DPP10: variants seen among roughly 807,000 people sequenced by gnomAD.
DPP10 encodes the protein inactive dipeptidyl peptidase 10.
Under a neutral mutation model 120.9 loss-of-function variants are expected in DPP10, and 33 were observed. The ratio of observed to expected loss-of-function variants is 0.27; its 90% CI spans 0.21 to 0.37. DPP10 has a LOEUF of 0.37. Ranked by LOEUF, DPP10 falls within the 10% of genes least tolerant of loss-of-function variation. The pLI, the probability that DPP10 is intolerant of heterozygous loss-of-function variation, is 1.00. For missense variants in DPP10, 816 were observed against 942.8 expected, an observed-to-expected ratio of 0.87 and a Z score of 1.76; for synonymous variants, 337 against 326.1, an observed-to-expected ratio of 1.03 and a Z score of -0.36.
At chr2:115,491,292 G>A (rs2076105869) in intron 3 of DPP10, among the ~76,000 whole-genome samples, 1 of 152,158 alleles carries the variant, frequency 6.6e-6, no homozygotes, top group Admixed American at 6.6e-5. Context: ...ACTACTAACA[G>A]GAGGTATCCA....
intron 3 of DPP10, among the ~76,000 whole-genome samples, chr2:115,396,006 C>T (rs1198470296): frequency 5.3e-5 from 8 of 152,072 alleles, no homozygotes; most frequent in Non-Finnish European, 8.8e-5. Flanking sequence ...CTTTAATTGG[C>T]GTGAATTTCC....
Position 115,815,704 on chromosome 2 carries a change from C to T in DPP10, c.1925C>T (p.Ser642Phe), listed in dbSNP as rs148256771. 32 of 1,599,508 alleles carry T rather than the reference C, an allele frequency of 2.0e-5. 1 individual carries two copies. The African/African-American group carries it at 3.3e-4, about 17-fold the overall frequency. ...KFLLKLPYID[S>F]KRLSIFGKGY... Reference sequence around the variant, plus strand: ...TTGCTGAAACTGCCTTACATTGACTCCAAAAGATTAAGCATTTTTGGAAAG... The same window carrying T: ...TTGCTGAAACTGCCTTACATTGACTTCAAAAGATTAAGCATTTTTGGAAAG... Residue 642 changes from serine to phenylalanine, a missense_variant, in exon 21 of 26, where the codon TCC becomes TTC. This residue lies in a region of DPP10 where 592 missense variants were observed against 649.0 expected (regional missense o/e 0.91). Transcript: ENST00000410059.
At chr2:115,422,459 T>C (rs1292255952) in intron 3 of DPP10, among the ~76,000 whole-genome samples, 1 of 152,134 alleles carries the variant, frequency 6.6e-6, no homozygotes, top group Non-Finnish European at 1.5e-5. Context: ...GCATCATTCT[T>C]TGGCTGAGCA....
intron 3 of DPP10, among the ~76,000 whole-genome samples, chr2:115,352,897 A>T (rs567796136): frequency 6.6e-6 from 1 of 152,090 alleles, no homozygotes; most frequent in African/African-American, 2.4e-5. Context: ...CACATGGCAC[A>T]TTTTATTTTT....
chr2:114,925,778 C>G (rs924139412), intron 1 of DPP10, among the ~76,000 whole-genome samples: 1 of 152,086 alleles, frequency 6.6e-6, no homozygotes, highest in Non-Finnish European at 1.5e-5. Flanking sequence ...GACCCTGTTA[C>G]AAATACTAAA....
chr2:114,984,973 A>C (rs577033219), intron 1 of DPP10, among the ~76,000 whole-genome samples: 5 of 152,260 alleles, frequency 3.3e-5, no homozygotes, highest in Non-Finnish European at 7.4e-5. Flanking sequence ...TTAAATTAGA[A>C]ATGAGATCAT....
chr2:114,833,873 C>T (rs556866591), intron 1 of DPP10: 5 of 151,780 alleles, frequency 3.3e-5, no homozygotes, highest in Non-Finnish European at 7.4e-5. Flanking sequence ...TTTTGTCCTA[C>T]GGAAGGCACA....
intron 1 of DPP10, among the ~76,000 whole-genome samples, chr2:114,553,691 T>G (rs1354390395): frequency 6.6e-6 from 1 of 152,152 alleles, no homozygotes; most frequent in African/African-American, 2.4e-5. Context: ...TTTCTTTATT[T>G]TTTTTTCCAC....
In DPP10 at chr2:115,346,100, G is replaced by A. The variant is rs376916318; in HGVS notation, c.271+2188G>A. Among the ~76,000 whole-genome samples the A allele has an allele frequency of 6.0e-4, 91 of 152,286 alleles. 1 individual carries two copies. In the Middle Eastern group the frequency reaches 0.034, roughly 57 times the overall value. On this transcript the variant is annotated intron_variant, in intron 3 of 25. Transcript: ENST00000410059. ...TTGTGTGCACTGAGTTACTTTTTAAGTATAGAAATGGATTTGTGCTTTTAT... is the reference window on the plus strand; with the variant it reads ...TTGTGTGCACTGAGTTACTTTTTAAATATAGAAATGGATTTGTGCTTTTAT...
intron 1 of DPP10, among the ~76,000 whole-genome samples, chr2:114,555,492 T>C (rs1688215112): frequency 6.6e-6 from 1 of 152,152 alleles, no homozygotes; most frequent in Admixed American, 6.5e-5. Flanking sequence ...TGTATGGGTA[T>C]TTGTGTTGCT....
At chr2:115,731,084 G>A (rs2092896371) in intron 8 of DPP10, among the ~76,000 whole-genome samples, 1 of 152,126 alleles carries the variant, frequency 6.6e-6, no homozygotes, top group Non-Finnish European at 1.5e-5. Context: ...AAAAGGCTGG[G>A]TGTGGTGGCT....
intron 2 of DPP10, among the ~76,000 whole-genome samples, chr2:115,326,189 T>G (rs1454630346): frequency 6.6e-6 from 1 of 152,060 alleles, no homozygotes; most frequent in Non-Finnish European, 1.5e-5. Flanking sequence ...GCCATGCACA[T>G]TATAATGGCT....
At chr2:115,605,352 T>C (rs10206178) in intron 5 of DPP10, among the ~76,000 whole-genome samples, 150,414 of 152,216 alleles carry the variant, frequency 0.99, 74,345 homozygotes, top group East Asian at 1. Flanking sequence ...AAGATCAAAA[T>C]TTTAAACTCT....
chr2:115,627,390 A>G (rs1054485925), intron 5 of DPP10, among the ~76,000 whole-genome samples: 1 of 152,184 alleles, frequency 6.6e-6, no homozygotes, highest in African/African-American at 2.4e-5. Context: ...ACAGAGGCCC[A>G]CACAGGTTGC....
intron 1 of DPP10, among the ~76,000 whole-genome samples, chr2:114,596,999 C>T (rs1691965198): frequency 1.3e-5 from 2 of 152,080 alleles, no homozygotes; most frequent in South Asian, 4.1e-4. Flanking sequence ...TTCTAGTAGA[C>T]AAGTCAGAAA....
intron 21 of DPP10, among the ~76,000 whole-genome samples, chr2:115,816,971 A>G (rs114529729): frequency 6.9e-6 from 1 of 145,826 alleles, no homozygotes; most frequent in Non-Finnish European, 1.5e-5. Context: ...TAAAAAGGCC[A>G]GGCGCGGTGG....
At chr2:114,801,467 G>A (rs188066407) in intron 1 of DPP10, among the ~76,000 whole-genome samples, 1 of 152,180 alleles carries the variant, frequency 6.6e-6, no homozygotes, top group Admixed American at 6.5e-5. Context: ...AACCTACTTG[G>A]GGTTTGGAGT....
At chr2:115,226,167 T>G (rs193020614) in intron 1 of DPP10, among the ~76,000 whole-genome samples, 7 of 152,302 alleles carry the variant, frequency 4.6e-5, no homozygotes, top group Non-Finnish European at 1.0e-4. Flanking sequence ...CATGATGATA[T>G]GTCTGGCAAC....
chr2:114,448,935 T>A (rs1465240121), intron 1 of DPP10, among the ~76,000 whole-genome samples: 6 of 152,216 alleles, frequency 3.9e-5, no homozygotes, highest in Non-Finnish European at 5.9e-5. Flanking sequence ...CTAAATGATA[T>A]TGTAAGGTGT....
Sources: allele counts gnomAD v4.1 joint callset (sites outside exome capture counted in the v4.1 genomes callset), GRCh38; gene constraint gnomAD v4.1.1; regional missense constraint gnomAD v4.1.1; transcripts MANE v1.5; gene names NCBI Gene and HGNC (gene_info 2026-07-23, HGNC 2026-07-21).